DCC: variants seen among roughly 807,000 people sequenced by gnomAD.
DCC encodes netrin receptor DCC.
DCC carries 58 observed loss-of-function variants against 172.5 expected under a neutral mutation model. The ratio of observed to expected loss-of-function variants is 0.34; its 90% CI spans 0.27 to 0.42. DCC has a LOEUF of 0.42. Among genes scored for constraint, DCC ranks in the 10% least tolerant of loss-of-function variants. The pLI is 1.00. For synonymous variants in DCC, 709 were observed against 644.5 expected, an observed-to-expected ratio of 1.10 and a Z score of -1.52; for missense variants, 1,740 against 1,791.0, an observed-to-expected ratio of 0.97 and a Z score of 0.51.
intron 1 of DCC, among the ~76,000 whole-genome samples, chr18:52,605,490 G>A (rs994462725): frequency 6.6e-6 from 1 of 152,150 alleles, no homozygotes; most frequent in African/African-American, 2.4e-5. Context: ...GCTGCAAGCA[G>A]CATACAAAGA....
At chr18:53,038,974 G>A (rs969391631) in intron 5 of DCC, among the ~76,000 whole-genome samples, 1 of 151,884 alleles carries the variant, frequency 6.6e-6, no homozygotes, top group Admixed American at 6.6e-5. Flanking sequence ...AGACACAATT[G>A]TGTGTCACCT....
chr18:53,210,177 C>G (rs994209093), intron 11 of DCC, among the ~76,000 whole-genome samples: 4 of 152,170 alleles, frequency 2.6e-5, no homozygotes, highest in African/African-American at 4.8e-5. Flanking sequence ...TCCTTATTAT[C>G]CAGTTCCTTT....
intron 1 of DCC, among the ~76,000 whole-genome samples, chr18:52,710,231 C>T (rs955583041): frequency 9.2e-5 from 14 of 152,112 alleles, no homozygotes; most frequent in South Asian, 2.1e-4. Flanking sequence ...GCAGTATAAT[C>T]GTAAGACAGA....
chr18:53,112,401 G>A (rs893477490), intron 7 of DCC, among the ~76,000 whole-genome samples: 3 of 151,472 alleles, frequency 2.0e-5, no homozygotes, highest in Admixed American at 1.3e-4. Context: ...CTATTGTACA[G>A]TTGACACAAA....
intron 18 of DCC, among the ~76,000 whole-genome samples, chr18:53,398,203 T>TA (rs898286351): frequency 3.9e-5 from 6 of 152,102 alleles, no homozygotes; most frequent in Admixed American, 3.3e-4. Flanking sequence ...TTTCAAATTT[T>TA]AAAAAAATGC....
intron 2 of DCC, among the ~76,000 whole-genome samples, chr18:52,793,112 T>C (rs1287931870): frequency 2.0e-5 from 3 of 152,184 alleles, no homozygotes; most frequent in Non-Finnish European, 4.4e-5. Flanking sequence ...TGGTGTCTGA[T>C]TTATGTAGGA....
In DCC at chr18:52,922,742, C is replaced by A. The variant is rs751162041; in HGVS notation, c.698-965C>A. ...AGGATGTTGCCATGGGTAGAACACC[C>A]TCCTCCAAGGACTGGTTTTGGTGTG... On this transcript the variant is annotated intron_variant, in intron 3 of 28. Coordinates refer to ENST00000442544, the MANE Select transcript of DCC (RefSeq NM_005215.4). Among the ~76,000 whole-genome samples the A allele has an allele frequency of 5.3e-4, 80 of 152,096 alleles. 2 individuals carry two copies. Among genetic ancestry groups the A allele is most frequent in the Non-Finnish European group, 8.8e-5 (6 of 68,000 alleles).
chr18:53,380,270 G>A (rs191104778), intron 15 of DCC, among the ~76,000 whole-genome samples: 8 of 152,162 alleles, frequency 5.3e-5, no homozygotes, highest in Non-Finnish European at 7.4e-5. Flanking sequence ...GCTCTCCAGT[G>A]GCACAGTGGT....
intron 1 of DCC, among the ~76,000 whole-genome samples, chr18:52,417,686 C>T (rs1987089568): frequency 6.6e-6 from 1 of 152,194 alleles, no homozygotes; most frequent in Non-Finnish European, 1.5e-5. Flanking sequence ...CTTCTGCATT[C>T]TTCAGGTAGT....
At chr18:52,600,716 A>ATTG (rs34645886) in intron 1 of DCC, among the ~76,000 whole-genome samples, 82,116 of 151,426 alleles carry the variant, frequency 0.54, 22,395 homozygotes, top group African/African-American at 0.58. Flanking sequence ...AATTTTGCGC[A>ATTG]TTGTTGTTGT....
chr18:53,305,554 T>C, intron 12 of DCC, 24 bp from the exon 13 acceptor site: 2 of 1,596,742 alleles, frequency 1.3e-6, no homozygotes, highest in Non-Finnish European at 1.7e-6. Flanking sequence ...TTCAATGTTT[T>C]AATTTACACC....
intron 1 of DCC, among the ~76,000 whole-genome samples, chr18:52,707,294 T>C (rs1199176820): frequency 6.6e-6 from 1 of 152,222 alleles, no homozygotes; most frequent in Non-Finnish European, 1.5e-5. Flanking sequence ...AGGTGAGTTA[T>C]ACTAAATAAA....
At chr18:52,781,537 C>T (rs2037543579) in intron 2 of DCC, among the ~76,000 whole-genome samples, 1 of 152,120 alleles carries the variant, frequency 6.6e-6, no homozygotes, top group Admixed American at 6.5e-5. Context: ...AACATAGTAT[C>T]AAGATGAGTA....
chr18:53,135,298 T>A (rs1480490216), intron 7 of DCC, among the ~76,000 whole-genome samples: 1 of 152,090 alleles, frequency 6.6e-6, no homozygotes, highest in Admixed American at 6.6e-5. Context: ...GCTCAAGAGA[T>A]GGAGGTGGGA....
Position 53,000,585 on chromosome 18 carries a change from CTTTTTTTTTTTTTT to C in DCC, c.986-62708_986-62695del, listed in dbSNP as rs71175543. ...CATGTTTAGGATATCAGCTTACATT[CTTTTTTTTTTTTTT>C]TTTTTTTTTTTAACATCCAGAATCC... On this transcript the variant is annotated intron_variant, in intron 5 of 28. Transcript: ENST00000442544. 8.1e-5 allele frequency among the ~76,000 whole-genome samples: 8 copies of C among 99,014 alleles called. No individual in the cohort carries two copies. In the Admixed American group the frequency reaches 8.9e-4, roughly 11 times the overall value. 65.0% of individuals were successfully genotyped at this position (99,014 alleles called of 152,430 possible).
At chr18:52,774,526 C>T (rs781079464) in intron 2 of DCC, among the ~76,000 whole-genome samples, 1 of 152,246 alleles carries the variant, frequency 6.6e-6, no homozygotes, top group Non-Finnish European at 1.5e-5. Flanking sequence ...GAAGCAGCAT[C>T]TTCTTAAAAA....
chr18:52,892,689 G>A (rs2039667997), intron 2 of DCC, among the ~76,000 whole-genome samples: 1 of 151,914 alleles, frequency 6.6e-6, no homozygotes, highest in Non-Finnish European at 1.5e-5. Flanking sequence ...TGTTATTCTG[G>A]GTCAGGTTAT....
At chr18:52,807,527 C>T (rs1400804796) in intron 2 of DCC, among the ~76,000 whole-genome samples, 1 of 93,526 alleles carries the variant, frequency 1.1e-5, no homozygotes. Flanking sequence ...ATTGAAAGCA[C>T]AGCTATTAGT....
At chr18:52,799,038 C>T (rs145844955) in intron 2 of DCC, among the ~76,000 whole-genome samples, 114 of 152,270 alleles carry the variant, frequency 7.5e-4, no homozygotes, top group African/African-American at 2.5e-3. Context: ...CGTGAGCCAC[C>T]GTGGCCAGCC....
Sources: allele counts gnomAD v4.1 joint callset (sites outside exome capture counted in the v4.1 genomes callset), GRCh38; gene constraint gnomAD v4.1.1; transcripts MANE v1.5; gene names NCBI Gene and HGNC (gene_info 2026-07-23, HGNC 2026-07-21).